The following EPB41L5 variants were observed in gnomAD, a reference collection of about 807,000 sequenced individuals.
The protein encoded by EPB41L5 is erythrocyte membrane protein band 4.1 like 5.
Under a neutral mutation model 106.6 loss-of-function variants are expected in EPB41L5, and 55 were observed. The ratio of observed to expected loss-of-function variants is 0.52; its 90% CI spans 0.42 to 0.65. EPB41L5 has a LOEUF of 0.65. EPB41L5 is among the 30% of genes least tolerant of loss of function. The pLI is 0.00. For synonymous variants in EPB41L5, 297 were observed against 306.7 expected (o/e 0.97, Z 0.33); for missense variants, 871 against 882.1 (o/e 0.99, Z 0.16).
At chr2:120,113,344 A>C (rs1436010409) in intron 16 of EPB41L5, among the ~76,000 whole-genome samples, 1 of 152,226 alleles carries the variant, frequency 6.6e-6, no homozygotes, top group Non-Finnish European at 1.5e-5. Flanking sequence ...CACAACTTTA[A>C]CAATAAATTA....
chr2:120,021,640 C>CA (rs1023201464), intron 2 of EPB41L5, among the ~76,000 whole-genome samples: 62 of 151,474 alleles, frequency 4.1e-4, no homozygotes, highest in Non-Finnish European at 6.5e-4. Flanking sequence ...GACTCCATCT[C>CA]AAAAAAAAGG....
In EPB41L5 at chr2:120,131,697, T is replaced by C. The variant is rs781094011; in HGVS notation, c.1581T>C (p.Asp527=). 4 of 1,613,540 alleles carry C rather than the reference T, an allele frequency of 2.5e-6. No individual in the cohort carries two copies. The highest frequency in any genetic ancestry group is 1.7e-5 in the Admixed American group (1 of 59,972). The change falls in exon 18 of 25, where the codon GAT becomes GAC. Residue 527 remains aspartate, a synonymous_variant. Coordinates refer to ENST00000263713, the MANE Select transcript of EPB41L5 (RefSeq NM_020909.4). ...TGCTGTCCCCTCGATCCAACATCGA[T>C]GTTAACATAAACAGCCAGGTATTCA... ...SPLLSPRSNI[D]VNINSQEEVV... is the part of the protein sequence containing the mutation.
intron 1 of EPB41L5, among the ~76,000 whole-genome samples, chr2:120,017,364 T>C (rs1457441033): frequency 2.0e-5 from 3 of 152,256 alleles, no homozygotes; most frequent in Admixed American, 2.0e-4. Context: ...GTATTTGACA[T>C]TGAAATCATT....
intron 16 of EPB41L5, among the ~76,000 whole-genome samples, chr2:120,115,631 C>T (rs552846037): frequency 6.6e-6 from 1 of 152,134 alleles, no homozygotes; most frequent in South Asian, 2.1e-4. Flanking sequence ...ACCTTGTGAT[C>T]CGCCTGCCTC....
chr2:120,070,779 AT>A (rs1299830648), intron 3 of EPB41L5, among the ~76,000 whole-genome samples: 5 of 152,216 alleles, frequency 3.3e-5, no homozygotes, highest in African/African-American at 4.8e-5. Flanking sequence ...CTTTGATAAA[AT>A]TCAACAGCCC....
chr2:120,126,196 T>C (rs1685455320), intron 16 of EPB41L5, among the ~76,000 whole-genome samples: 1 of 152,170 alleles, frequency 6.6e-6, no homozygotes, highest in Admixed American at 6.5e-5. Context: ...GTTCCTTGTA[T>C]GCTTTGGATA....
At chr2:120,070,795 T>C (rs113967235) in intron 3 of EPB41L5, among the ~76,000 whole-genome samples, 2 of 152,206 alleles carry the variant, frequency 1.3e-5, no homozygotes, top group Non-Finnish European at 1.5e-5. Flanking sequence ...CAGCCCTTCA[T>C]GTTAAAAACT....
chr2:120,075,838 G>T, intron 7 of EPB41L5, 85 bp downstream of exon 7: 1 of 1,093,138 alleles, frequency 9.1e-7, no homozygotes, highest in Non-Finnish European at 1.4e-6. Context: ...CTAATTATGT[G>T]CAAGAAAAGA....
intron 3 of EPB41L5, among the ~76,000 whole-genome samples, chr2:120,062,337 G>A (rs1681140830): frequency 6.6e-6 from 1 of 152,154 alleles, no homozygotes; most frequent in East Asian, 1.9e-4. Flanking sequence ...GAAGGAGTAA[G>A]TCTAGAAAAG....
At position 120,178,441 on chromosome 2, in the gene EPB41L5, G is replaced by A. The variant is rs185252526; in HGVS notation, c.*3534G>A. Reference sequence around the variant, plus strand: ...GTCTTTGTGAGCTCCCACTGTTGTGGGTGTCTCAGCTCTGAGGGTCTTTGT... The same window carrying A: ...GTCTTTGTGAGCTCCCACTGTTGTGAGTGTCTCAGCTCTGAGGGTCTTTGT... On this transcript the variant is annotated 3_prime_UTR_variant, in exon 25 of 25. Coordinates refer to ENST00000263713, the MANE Select transcript of EPB41L5 (RefSeq NM_020909.4). 1.4e-4 allele frequency: 21 copies of A among 151,542 alleles called. No individual in the cohort carries two copies. Among genetic ancestry groups the A allele is most frequent in the Admixed American group, 1.2e-3 (18 of 15,236 alleles). The allele number at this position is 151,542 out of a possible 1,614,324, so 9.4% of individuals were successfully genotyped here.
chr2:120,089,869 C>A (rs1683298101), intron 11 of EPB41L5, among the ~76,000 whole-genome samples: 1 of 151,990 alleles, frequency 6.6e-6, no homozygotes, highest in Admixed American at 6.6e-5. Flanking sequence ...GTTTCCTTAT[C>A]TATGAAATGG....
At chr2:120,054,889 G>A (rs1429330923) in intron 3 of EPB41L5, among the ~76,000 whole-genome samples, 3 of 139,628 alleles carry the variant, frequency 2.1e-5, no homozygotes, top group Non-Finnish European at 3.1e-5. Flanking sequence ...TTTTTGAGAC[G>A]GAGTTTCACT....
chr2:120,173,247 AAAGAT>A (rs1314422580), intron 24 of EPB41L5, among the ~76,000 whole-genome samples: 2 of 151,886 alleles, frequency 1.3e-5, no homozygotes, highest in Non-Finnish European at 2.9e-5. Context: ...GCTGTGCTGA[AAAGAT>A]AAGAAGGCAG....
intron 10 of EPB41L5, among the ~76,000 whole-genome samples, chr2:120,081,114 T>G (rs1682625783): frequency 1.3e-5 from 2 of 152,246 alleles, no homozygotes; most frequent in African/African-American, 2.4e-5. Context: ...TTAGTTTAAT[T>G]AGATCCCATT....
intron 18 of EPB41L5, among the ~76,000 whole-genome samples, chr2:120,132,703 G>T (rs1685756751): frequency 6.6e-6 from 1 of 152,102 alleles, no homozygotes; most frequent in South Asian, 2.1e-4. Context: ...TGCTTTTACA[G>T]TGTCAGTTTT....
chr2:120,048,601 G>A (rs1174047945), intron 3 of EPB41L5, among the ~76,000 whole-genome samples: 1 of 152,002 alleles, frequency 6.6e-6, no homozygotes, highest in African/African-American at 2.4e-5. Context: ...AAAAAAAACA[G>A]CTCCTGCATT....
In EPB41L5 at chr2:120,147,624, C is replaced by CAA. The variant is rs60980401; in HGVS notation, c.1793+1356_1793+1357dup. On this transcript the variant is annotated intron_variant, in intron 20 of 24. Coordinates refer to ENST00000263713, the MANE Select transcript of EPB41L5 (RefSeq NM_020909.4). ...TGGGCAACAGAGCGAAACTCTGTCT[C>CAA]AAAAAAAAAAAAAAAAAAAAAAGGA... Among the ~76,000 whole-genome samples, 341 of 74,596 alleles carry CAA rather than the reference C, an allele frequency of 4.6e-3. 1 individual carries two copies. The highest frequency in any genetic ancestry group is 5.2e-3 in the Non-Finnish European group (199 of 37,908). 48.9% of individuals were successfully genotyped at this position (74,596 alleles called of 152,430 possible). A position where few individuals can be genotyped will look rare whatever the true frequency, so the allele number is the denominator to read the frequency against.
At chr2:120,114,679 G>A (rs927405304) in intron 16 of EPB41L5, among the ~76,000 whole-genome samples, 2 of 152,168 alleles carry the variant, frequency 1.3e-5, no homozygotes, top group Admixed American at 6.5e-5. Context: ...TCCATTAGCA[G>A]ATACATACTT....
chr2:120,167,877 C>A lies in EPB41L5; in HGVS notation c.2005C>A (p.Gln669Lys). The A allele has an allele frequency of 6.2e-7, 1 of 1,614,090 alleles. No homozygotes were observed. Among genetic ancestry groups the A allele is most frequent in the Non-Finnish European group, 8.5e-7 (1 of 1,179,988 alleles). Residue 669 changes from glutamine to lysine, a missense_variant and splice_region_variant, in exon 24 of 25, where the codon CAG becomes AAG. Gln to Lys is a moderately conservative substitution (Grantham distance 53). Coordinates refer to ENST00000263713, the MANE Select transcript of EPB41L5 (RefSeq NM_020909.4). ...SMITPRWIVP[Q>K]SGAMSNGLAG... is the part of the protein sequence containing the mutation. ...TTAGTTGTGTGTGTATCTCCCACAG[C>A]AGAGTGGTGCCATGTCTAATGGACT...
Sources: gnomAD v4.1 joint callset for allele counts (sites outside exome capture counted in the v4.1 genomes callset) on GRCh38, gnomAD v4.1.1 for gene constraint, MANE v1.5 for transcripts, NCBI Gene and HGNC (gene_info 2026-07-23, HGNC 2026-07-21) for gene names.